Variants in TAFA5 observed in about 807,000 individuals in gnomAD.
The protein encoded by TAFA5 is TAFA chemokine like family member 5.
TAFA5 carries 6 observed loss-of-function variants against 15.3 expected under a neutral mutation model. That is an observed-to-expected ratio of 0.39 (90% CI 0.21 to 0.77). TAFA5 has a LOEUF of 0.77. Among genes scored for constraint, TAFA5 ranks in the 30% least tolerant of loss-of-function variants. The probability of loss-of-function intolerance (pLI) is 0.41; values close to 1 mark genes in which losing one functional copy is unlikely to be tolerated. For synonymous variants in TAFA5, 103 were observed against 80.7 expected, an observed-to-expected ratio of 1.28 and a Z score of -1.48; for missense variants, 161 against 193.1, an observed-to-expected ratio of 0.83 and a Z score of 0.98.
chr22:48,691,495 G>A (rs562114689), intron 2 of TAFA5, among the ~76,000 whole-genome samples: 2 of 152,378 alleles, frequency 1.3e-5, no homozygotes, highest in African/African-American at 4.8e-5. Flanking sequence ...GAGGCAAACT[G>A]GGTTCGCCTG....
intron 2 of TAFA5, among the ~76,000 whole-genome samples, chr22:48,686,942 T>TGGATG (rs1928378747): frequency 1.0e-5 from 1 of 100,074 alleles, no homozygotes; most frequent in Admixed American, 9.9e-5. Flanking sequence ...ATGGATGGAT[T>TGGATG]GGTGGAGGGT....
At chr22:48,673,447 C>T (rs1303036524) in intron 2 of TAFA5, among the ~76,000 whole-genome samples, 2 of 152,178 alleles carry the variant, frequency 1.3e-5, no homozygotes, top group Non-Finnish European at 2.9e-5. Context: ...GGCCTGTAAG[C>T]CTGGGAGGGT....
intron 1 of TAFA5, among the ~76,000 whole-genome samples, chr22:48,518,527 C>T (rs1263119466): frequency 6.6e-6 from 1 of 152,208 alleles, no homozygotes; most frequent in African/African-American, 2.4e-5. Flanking sequence ...GTCTCTTTTC[C>T]AGAACCCCAG....
chr22:48,550,794 C>T lies in TAFA5; in HGVS notation c.112+61090C>T, dbSNP rs781252095. On this transcript the variant is annotated intron_variant, in intron 1 of 3. Coordinates refer to ENST00000402357, the MANE Select transcript of TAFA5 (RefSeq NM_001082967.3). The surrounding 1 kb of genome is among the most constrained non-coding windows in gnomAD (Gnocchi z 4.1). Reference sequence around the variant, plus strand: ...TGGGCTCCAGAAAGCTTTCTCTGACCTTCTTGTTCTCGGGAAAGAGCGGTG... The same window carrying T: ...TGGGCTCCAGAAAGCTTTCTCTGACTTTCTTGTTCTCGGGAAAGAGCGGTG... Among the ~76,000 whole-genome samples, 1 of 152,124 alleles carries T rather than the reference C, an allele frequency of 6.6e-6. No homozygotes were observed. Among genetic ancestry groups the T allele is most frequent in the Non-Finnish European group, 1.5e-5 (1 of 68,022 alleles).
At chr22:48,561,227 G>A (rs1923219244) in intron 1 of TAFA5, among the ~76,000 whole-genome samples, 3 of 152,162 alleles carry the variant, frequency 2.0e-5, no homozygotes, top group Admixed American at 6.5e-5. Context: ...CCCTTTGCTG[G>A]TACCTCTATC....
intron 1 of TAFA5, among the ~76,000 whole-genome samples, chr22:48,628,854 C>T (rs1287185440): frequency 6.6e-6 from 1 of 152,244 alleles, no homozygotes; most frequent in African/African-American, 2.4e-5. Context: ...GTGTGCCAGC[C>T]TCCTGCAAGG....
chr22:48,609,790 G>C (rs1262855233), intron 1 of TAFA5, among the ~76,000 whole-genome samples: 2 of 152,180 alleles, frequency 1.3e-5, no homozygotes, highest in South Asian at 2.1e-4. Flanking sequence ...GAGGGTCTTG[G>C]GGGAGAAGCT....
intron 1 of TAFA5, among the ~76,000 whole-genome samples, chr22:48,492,531 G>C (rs1928191069): frequency 6.6e-6 from 1 of 152,062 alleles, no homozygotes; most frequent in African/African-American, 2.4e-5. Context: ...TCGTGTGCTG[G>C]GATCCATATA....
At chr22:48,572,044 A>G (rs1236885563) in intron 1 of TAFA5, among the ~76,000 whole-genome samples, 1 of 152,020 alleles carries the variant, frequency 6.6e-6, no homozygotes, top group African/African-American at 2.4e-5. Context: ...TATTGATACC[A>G]TATTATTTCA....
chr22:48,665,160 G>A (rs188579326), intron 2 of TAFA5, among the ~76,000 whole-genome samples: 8 of 152,254 alleles, frequency 5.3e-5, no homozygotes, highest in South Asian at 2.1e-4. Context: ...TTTCTGCTGC[G>A]TCAAGATCCT....
intron 1 of TAFA5, among the ~76,000 whole-genome samples, chr22:48,643,300 T>G (rs886103692): frequency 1.3e-5 from 2 of 152,182 alleles, no homozygotes; most frequent in African/African-American, 4.8e-5. Flanking sequence ...ATGCCTCCTC[T>G]GGGAAGCTTC....
At chr22:48,647,310 G>C (rs528333103) in intron 2 of TAFA5, among the ~76,000 whole-genome samples, 1 of 152,292 alleles carries the variant, frequency 6.6e-6, no homozygotes, top group East Asian at 1.9e-4. Context: ...CTGACAAGCT[G>C]GGCCGTGGCT....
At chr22:48,678,565 C>T (rs1029260258) in intron 2 of TAFA5, among the ~76,000 whole-genome samples, 22 of 136,550 alleles carry the variant, frequency 1.6e-4, no homozygotes, top group Non-Finnish European at 2.8e-4. Flanking sequence ...GTCGGGGAGC[C>T]GCGTGTGTGA....
intron 2 of TAFA5, among the ~76,000 whole-genome samples, chr22:48,702,852 C>T (rs550070946): frequency 2.0e-5 from 3 of 152,378 alleles, no homozygotes; most frequent in African/African-American, 7.2e-5. Flanking sequence ...CCGTCTCCAG[C>T]AGGAAGTGGG....
intron 1 of TAFA5, among the ~76,000 whole-genome samples, chr22:48,600,370 C>T (rs1924921237): frequency 6.6e-6 from 1 of 152,166 alleles, no homozygotes; most frequent in Non-Finnish European, 1.5e-5. Flanking sequence ...TTGCGCAGGT[C>T]CAGCGGGGAT....
chr22:48,530,432 T>C lies in TAFA5; in HGVS notation c.112+40728T>C, dbSNP rs1380879206. 6.6e-6 allele frequency among the ~76,000 whole-genome samples: 1 copy of C among 152,118 alleles called. No homozygotes were observed. Among genetic ancestry groups the C allele is most frequent in the Admixed American group, 6.5e-5 (1 of 15,276 alleles). On this transcript the variant is annotated intron_variant, in intron 1 of 3. Transcript: ENST00000402357. This position sits in a 1 kb window ranked among gnomAD's most constrained non-coding sequence, Gnocchi z 6.0. ...TGGGGCCGGCATTCAACTGAAAGGA[T>C]TGGCTTCGAGTCTTGGCTGACCACT...
intron 2 of TAFA5, among the ~76,000 whole-genome samples, chr22:48,669,332 C>T (rs1927727549): frequency 6.6e-6 from 1 of 152,256 alleles, no homozygotes; most frequent in South Asian, 2.1e-4. Flanking sequence ...GCTTCGCCTG[C>T]AGGGAAACCC....
chr22:48,511,678 C>A (rs772329020), intron 1 of TAFA5, among the ~76,000 whole-genome samples: 4 of 152,256 alleles, frequency 2.6e-5, no homozygotes, highest in Non-Finnish European at 5.9e-5. Flanking sequence ...ATTCTCCATT[C>A]TCAAGGTTGT....
rs35951977 is a variant in TAFA5 at position 48,736,240 on chromosome 22, G to A, written c.391-13599G>A. Among the ~76,000 whole-genome samples the A allele has an allele frequency of 4.5e-5, 2 of 43,996 alleles. 1 individual carries two copies. The highest frequency in any genetic ancestry group is 9.2e-5 in the Non-Finnish European group (2 of 21,804). 28.9% of individuals were successfully genotyped at this position (43,996 alleles called of 152,430 possible). On this transcript the variant is annotated intron_variant, in intron 3 of 3. Transcript: ENST00000402357. ...CATCCCCCCAGGAGGAATGAGAATC[G>A]CACTCCTAGGGTCCCTCCCCGCAGG...
Sources: gnomAD v4.1 joint callset for allele counts (sites outside exome capture counted in the v4.1 genomes callset) on GRCh38, gnomAD v4.1.1 for gene constraint, Gnocchi (gnomAD v3.1) non-coding constraint, MANE v1.5 for transcripts, NCBI Gene and HGNC (gene_info 2026-07-23, HGNC 2026-07-21) for gene names.